VXN: variants seen among roughly 807,000 people sequenced by gnomAD.
The protein encoded by VXN is vexin.
In VXN, 7 loss-of-function variants were observed where a neutral mutation model predicts 23.1. The ratio of observed to expected loss-of-function variants is 0.30; its 90% CI spans 0.17 to 0.57. The LOEUF is 0.57. Ranked by LOEUF, VXN falls within the 20% of genes least tolerant of loss-of-function variation. VXN has a pLI of 0.91. For missense variants in VXN, 238 were observed against 272.6 expected, an observed-to-expected ratio of 0.87 and a Z score of 0.89; for synonymous variants, 120 against 105.8, an observed-to-expected ratio of 1.13 and a Z score of -0.83.
intron 1 of VXN, chr8:66,495,016 A>C (rs1586513928): frequency 6.6e-6 from 1 of 152,248 alleles, no homozygotes; most frequent in Admixed American, 6.5e-5. Context: ...CTGAAAAATT[A>C]TATATGTAAG....
At chr8:66,510,405 G>C in intron 4 of VXN, 2 of 460,166 alleles carry the variant, frequency 4.3e-6, no homozygotes, top group Non-Finnish European at 7.7e-6. Flanking sequence ...AACAAAAGAA[G>C]CTATTATCCA....
chr8:66,513,494 G>T (rs1317637409), intron 4 of VXN, 46 bp from the exon 5 acceptor site: 2 of 1,510,170 alleles, frequency 1.3e-6, no homozygotes, highest in Admixed American at 1.7e-5. Context: ...GGCCAGAGTG[G>T]GAAGGCAGAT....
At position 66,506,207 on chromosome 8, in the gene VXN, CAGAGAG is replaced by C. The variant is rs150065293; in HGVS notation, c.280+697_280+702del. Among the ~76,000 whole-genome samples the C allele has an allele frequency of 5.9e-4, 83 of 140,182 alleles. 2 individuals are homozygous for C. Among genetic ancestry groups the C allele is most frequent in the East Asian group, 8.2e-4 (4 of 4,862 alleles). The allele number at this position is 140,182 out of a possible 152,430, so 92.0% of individuals were successfully genotyped here. ...AAGGAGGATCACATAATTTATTTAA[CAGAGAG>C]AGAGAGAGAGAGAGAGACAGTGTGT... On this transcript the variant is annotated intron_variant, in intron 3 of 5. Transcript: ENST00000305454.
At chr8:66,513,462 A>G (rs1022084112) in intron 4 of VXN, 78 bp from the exon 5 acceptor site, 157 of 1,188,050 alleles carry the variant, frequency 1.3e-4, no homozygotes, top group Non-Finnish European at 1.8e-4. Context: ...CAGTCCCCCC[A>G]CTTGCAGACA....
chr8:66,506,326 T>C (rs1807758806), intron 3 of VXN, among the ~76,000 whole-genome samples: 1 of 151,204 alleles, frequency 6.6e-6, no homozygotes, highest in African/African-American at 2.4e-5. Context: ...CCATTCTAAA[T>C]TTGAATAACC....
intron 4 of VXN, 82 bp from the exon 5 acceptor site, chr8:66,513,458 C>T (rs1807848292): frequency 8.7e-7 from 1 of 1,143,628 alleles, no homozygotes; most frequent in East Asian, 2.3e-5. Flanking sequence ...CATTCAGTCC[C>T]CCCACTTGCA....
rs929491842 is a variant in VXN at position 66,517,311 on chromosome 8, T to C, written c.*1235T>C. The C allele has an allele frequency of 6.6e-6, 1 of 152,236 alleles. No individual in the cohort carries two copies. Among genetic ancestry groups the C allele is most frequent in the African/African-American group, 2.4e-5 (1 of 41,470 alleles). The allele number at this position is 152,236 out of a possible 1,614,324, so 9.4% of individuals were successfully genotyped here. A position where few individuals can be genotyped will look rare whatever the true frequency, so the allele number is the denominator to read the frequency against. On this transcript the variant is annotated 3_prime_UTR_variant, in exon 6 of 6. Coordinates refer to ENST00000305454, the MANE Select transcript of VXN (RefSeq NM_152765.4). ...AATGCCTATGTTTCAGGCATGATAC[T>C]AGGCAATTTATATATATCATCCTAA...
At chr8:66,501,526 G>C (rs1412042275) in intron 2 of VXN, among the ~76,000 whole-genome samples, 1 of 152,132 alleles carries the variant, frequency 6.6e-6, no homozygotes, top group Non-Finnish European at 1.5e-5. Flanking sequence ...TGGGTAATTT[G>C]GAGTTTAAGA....
chr8:66,498,204 T>C (rs552013222), intron 2 of VXN, among the ~76,000 whole-genome samples: 1 of 151,128 alleles, frequency 6.6e-6, no homozygotes, highest in Admixed American at 6.6e-5. Context: ...CATGGTGCTA[T>C]GCTCTTGTTG....
intron 2 of VXN, among the ~76,000 whole-genome samples, chr8:66,500,399 C>T (rs368263603): frequency 3.3e-5 from 5 of 152,252 alleles, no homozygotes; most frequent in African/African-American, 1.2e-4. Flanking sequence ...GTAAACATAT[C>T]CTGTTTAATT....
intron 5 of VXN, among the ~76,000 whole-genome samples, chr8:66,514,526 C>G (rs1807862792): frequency 6.6e-6 from 1 of 152,144 alleles, no homozygotes; most frequent in African/African-American, 2.4e-5. Flanking sequence ...ACCTCTACCT[C>G]CGGGGTTCAA....
intron 3 of VXN, among the ~76,000 whole-genome samples, chr8:66,508,210 A>G (rs557093313): frequency 2.2e-4 from 34 of 152,108 alleles, no homozygotes; most frequent in South Asian, 4.2e-4. Context: ...CACCTTCGAC[A>G]TGAAACACTG....
chr8:66,495,004 G>A (rs1807610315), intron 1 of VXN: 1 of 152,172 alleles, frequency 6.6e-6, no homozygotes, highest in Non-Finnish European at 1.5e-5. Context: ...CAAATAAGCA[G>A]GCTGAAAAAT....
chr8:66,506,980 A>G (rs1372210721), intron 3 of VXN, among the ~76,000 whole-genome samples: 1 of 152,214 alleles, frequency 6.6e-6, no homozygotes, highest in Non-Finnish European at 1.5e-5. Context: ...TATCTTTTCT[A>G]TAAAATCATA....
rs753877182 is a variant in VXN at position 66,516,058 on chromosome 8, C to T, written c.606C>T (p.Ser202=). ...KKSEYVGATN[S]AFEAD is the part of the protein sequence containing the mutation. ...CTGAATATGTGGGAGCCACCAACAGCGCCTTTGAGGCCGACTAAAGGTGAC... is the reference window on the plus strand; with the variant it reads ...CTGAATATGTGGGAGCCACCAACAGTGCCTTTGAGGCCGACTAAAGGTGAC... The change falls in exon 6 of 6, where the codon AGC becomes AGT. Residue 202 remains serine (S), a synonymous_variant. Transcript: ENST00000305454. The T allele has an allele frequency of 1.5e-5, 24 of 1,610,626 alleles. No homozygotes were observed. Among genetic ancestry groups the T allele is most frequent in the East Asian group, 2.2e-5 (1 of 44,806 alleles).
At chr8:66,497,787 G>T (rs1441725137) in intron 2 of VXN, among the ~76,000 whole-genome samples, 1 of 152,154 alleles carries the variant, frequency 6.6e-6, no homozygotes, top group Non-Finnish European at 1.5e-5. Flanking sequence ...AGCACTTTGG[G>T]AGGTTGAAGC....
At chr8:66,495,847 C>T (rs886443707) in intron 1 of VXN, among the ~76,000 whole-genome samples, 1 of 152,144 alleles carries the variant, frequency 6.6e-6, no homozygotes, top group African/African-American at 2.4e-5. Flanking sequence ...AACCATCACC[C>T]CCATCCATCC....
chr8:66,504,029 G>A (rs374131472), intron 2 of VXN, among the ~76,000 whole-genome samples: 9 of 152,250 alleles, frequency 5.9e-5, no homozygotes, highest in South Asian at 2.1e-4. Flanking sequence ...GTCCCCAGTC[G>A]CGACCTGGGA....
chr8:66,505,620 G>T, intron 3 of VXN, 92 bp downstream of exon 3: 1 of 1,375,154 alleles, frequency 7.3e-7, no homozygotes, highest in South Asian at 1.6e-5. Flanking sequence ...CAGCGTTGGC[G>T]GTGGCTGCGG....
Sources: gnomAD v4.1 joint callset for allele counts (sites outside exome capture counted in the v4.1 genomes callset) on GRCh38, gnomAD v4.1.1 for gene constraint, MANE v1.5 for transcripts, NCBI Gene and HGNC (gene_info 2026-07-23, HGNC 2026-07-21) for gene names.